The following GRID2 variants were observed in gnomAD, a reference collection of about 807,000 sequenced individuals.
The protein encoded by GRID2 is glutamate receptor ionotropic, delta-2.
A neutral mutation model predicts 114.8 loss-of-function variants in GRID2; 33 were observed. That is an observed-to-expected ratio of 0.29 (90% CI 0.22 to 0.38). The LOEUF (loss-of-function observed/expected upper bound fraction) is 0.38, where lower values mean the gene tolerates loss of function less well. Ranked by LOEUF, GRID2 falls within the 10% of genes least tolerant of loss-of-function variation. GRID2 has a pLI of 1.00. For missense variants in GRID2, 1,184 were observed against 1,257.7 expected, an observed-to-expected ratio of 0.94 and a Z score of 0.89; for synonymous variants, 505 against 449.9, an observed-to-expected ratio of 1.12 and a Z score of -1.55.
chr4:92,564,405 GCATTA>G (rs1727238173), intron 1 of GRID2, among the ~76,000 whole-genome samples: 1 of 151,944 alleles, frequency 6.6e-6, no homozygotes, highest in Non-Finnish European at 1.5e-5. Flanking sequence ...AGACATATAA[GCATTA>G]CATTAGTACA....
chr4:93,272,733 T>G (rs1056089106), intron 8 of GRID2, among the ~76,000 whole-genome samples: 4 of 152,134 alleles, frequency 2.6e-5, no homozygotes, highest in Non-Finnish European at 5.9e-5. Flanking sequence ...GTGAGAAGAC[T>G]GGTGTGGAGA....
Position 93,652,283 on chromosome 4 carries a change from G to A in GRID2, c.2360+25848G>A, listed in dbSNP as rs538116210. ...ATCTATAAAGTAAGCAAGATATCTC[G>A]TAAGAAATCAACCCTGCCAGCACCT... On this transcript the variant is annotated intron_variant, in intron 14 of 15. Transcript: ENST00000282020. Among the ~76,000 whole-genome samples, 69 of 152,104 alleles carry A rather than the reference G, an allele frequency of 4.5e-4. 1 individual carries two copies. The South Asian group carries it at 0.011, about 25-fold the overall frequency.
chr4:93,685,165 T>G (rs1460599155), intron 14 of GRID2, among the ~76,000 whole-genome samples: 4 of 152,070 alleles, frequency 2.6e-5, no homozygotes, highest in Non-Finnish European at 5.9e-5. Context: ...ACACACTTTA[T>G]CATGTAAAGA....
intron 2 of GRID2, among the ~76,000 whole-genome samples, chr4:92,987,037 A>C (rs1463635757): frequency 1.3e-5 from 2 of 152,296 alleles, no homozygotes; most frequent in South Asian, 2.1e-4. Flanking sequence ...GAAATTTCAG[A>C]GTAGATTCTT....
At chr4:92,894,133 A>T (rs2149472868) in intron 2 of GRID2, among the ~76,000 whole-genome samples, 1 of 152,298 alleles carries the variant, frequency 6.6e-6, no homozygotes, top group African/African-American at 2.4e-5. Context: ...ACAAAAACAT[A>T]CATTATATTT....
At chr4:92,524,142 T>C (rs1402238746) in intron 1 of GRID2, among the ~76,000 whole-genome samples, 3 of 152,018 alleles carry the variant, frequency 2.0e-5, no homozygotes, top group South Asian at 4.1e-4. Context: ...AAGAGTTGTC[T>C]TTATTGGTAA....
chr4:92,849,022 C>T (rs1367297117), intron 2 of GRID2, among the ~76,000 whole-genome samples: 1 of 151,932 alleles, frequency 6.6e-6, no homozygotes, highest in Admixed American at 6.6e-5. Context: ...AGTGTGTATA[C>T]TCTGTTATAA....
At chr4:93,637,407 G>C (rs955136848) in intron 14 of GRID2, among the ~76,000 whole-genome samples, 4 of 152,126 alleles carry the variant, frequency 2.6e-5, no homozygotes, top group African/African-American at 7.2e-5. Context: ...GCCAGGCTTT[G>C]AACCCATGCT....
intron 8 of GRID2, among the ~76,000 whole-genome samples, chr4:93,347,581 A>T (rs944206177): frequency 1.3e-5 from 2 of 152,066 alleles, no homozygotes; most frequent in Non-Finnish European, 2.9e-5. Flanking sequence ...ACACTTAAAC[A>T]CTACACTAAG....
intron 13 of GRID2, among the ~76,000 whole-genome samples, chr4:93,569,554 A>G (rs1311357498): frequency 6.6e-6 from 1 of 152,200 alleles, no homozygotes; most frequent in African/African-American, 2.4e-5. Context: ...TGAAAAGTAA[A>G]TGATATTATG....
At chr4:92,423,423 A>C (rs997299662) in intron 1 of GRID2, among the ~76,000 whole-genome samples, 1 of 152,110 alleles carries the variant, frequency 6.6e-6, no homozygotes, top group Non-Finnish European at 1.5e-5. Flanking sequence ...ATTGAGGTGA[A>C]GCGAGGAGAG....
chr4:93,034,370 C>G (rs1389454051), intron 2 of GRID2, among the ~76,000 whole-genome samples: 1 of 152,108 alleles, frequency 6.6e-6, no homozygotes, highest in East Asian at 1.9e-4. Flanking sequence ...CTTATTTTTT[C>G]TAAAACTAGG....
intron 2 of GRID2, among the ~76,000 whole-genome samples, chr4:92,679,917 G>A (rs1302987026): frequency 6.8e-6 from 1 of 147,122 alleles, no homozygotes; most frequent in African/African-American, 2.5e-5. Context: ...TAAATTGACT[G>A]AAAAAAAAAA....
intron 8 of GRID2, among the ~76,000 whole-genome samples, chr4:93,291,821 T>G (rs184725874): frequency 6.6e-6 from 1 of 152,224 alleles, no homozygotes; most frequent in Non-Finnish European, 1.5e-5. Flanking sequence ...ATATTTATTA[T>G]GTAAACATGA....
At chr4:93,175,624 C>T (rs747138174) in intron 4 of GRID2, among the ~76,000 whole-genome samples, 1 of 152,040 alleles carries the variant, frequency 6.6e-6, no homozygotes, top group Admixed American at 6.6e-5. Flanking sequence ...TAAGCCAAAA[C>T]ATTTTTACTC....
At chr4:93,680,535 T>A (rs1445623304) in intron 14 of GRID2, among the ~76,000 whole-genome samples, 2 of 151,254 alleles carry the variant, frequency 1.3e-5, no homozygotes, top group African/African-American at 4.9e-5. Flanking sequence ...CTCAATAAAA[T>A]ACTGGCAAAC....
intron 2 of GRID2, among the ~76,000 whole-genome samples, chr4:92,841,260 T>C (rs1560630339): frequency 1.3e-5 from 2 of 152,120 alleles, no homozygotes; most frequent in Non-Finnish European, 2.9e-5. Context: ...ATGTACTCAC[T>C]TTTTTCTCAA....
chr4:93,628,196 G>A (rs893483720), intron 14 of GRID2, among the ~76,000 whole-genome samples: 4 of 151,962 alleles, frequency 2.6e-5, no homozygotes, highest in African/African-American at 4.8e-5. Flanking sequence ...ATTTATTGAC[G>A]AGCAAATTCT....
intron 11 of GRID2, among the ~76,000 whole-genome samples, chr4:93,482,404 G>C (rs931674979): frequency 6.6e-6 from 1 of 151,968 alleles, no homozygotes; most frequent in Non-Finnish European, 1.5e-5. Context: ...GATGAAACTG[G>C]AAAACATCAT....
Sources: allele counts gnomAD v4.1 joint callset (sites outside exome capture counted in the v4.1 genomes callset), GRCh38; gene constraint gnomAD v4.1.1; transcripts MANE v1.5; gene names NCBI Gene and HGNC (gene_info 2026-07-23, HGNC 2026-07-21).